Variants in RBFOX1 observed in about 807,000 individuals in gnomAD.
The protein encoded by RBFOX1 is RNA binding fox-1 homolog 1.
Under a neutral mutation model 57.7 loss-of-function variants are expected in RBFOX1, and 8 were observed. The ratio of observed to expected loss-of-function variants is 0.14; its 90% CI spans 0.08 to 0.25. The LOEUF (loss-of-function observed/expected upper bound fraction) is 0.25, where lower values mean the gene tolerates loss of function less well. Among genes scored for constraint, RBFOX1 ranks in the 10% least tolerant of loss-of-function variants. The probability of loss-of-function intolerance (pLI) is 1.00; values close to 1 mark genes in which losing one functional copy is unlikely to be tolerated. For missense variants in RBFOX1, 611 were observed against 548.5 expected, an observed-to-expected ratio of 1.11 and a Z score of -1.14; for synonymous variants, 326 against 222.4, an observed-to-expected ratio of 1.47 and a Z score of -4.15.
intron 2 of RBFOX1, among the ~76,000 whole-genome samples, chr16:6,389,791 C>T (rs1310827157): frequency 6.6e-6 from 1 of 152,150 alleles, no homozygotes; most frequent in Non-Finnish European, 1.5e-5. Context: ...AGGCTGTACC[C>T]AGGAGAAATC....
intron 4 of RBFOX1, among the ~76,000 whole-genome samples, chr16:7,468,305 A>G (rs1262279867): frequency 6.6e-6 from 1 of 152,190 alleles, no homozygotes; most frequent in Non-Finnish European, 1.5e-5. Context: ...AAAAAATAAG[A>G]CTGTGCTTTA....
chr16:7,624,054 T>G (rs2059710458), intron 10 of RBFOX1, among the ~76,000 whole-genome samples: 1 of 152,202 alleles, frequency 6.6e-6, no homozygotes, highest in African/African-American at 2.4e-5. Context: ...TAGCTTGTTT[T>G]TCATCTAAAA....
chr16:7,324,014 TTTTTG>T (rs564985147), intron 4 of RBFOX1, among the ~76,000 whole-genome samples: 10 of 152,014 alleles, frequency 6.6e-5, no homozygotes, highest in South Asian at 2.1e-4. Flanking sequence ...ATCCAGCAGT[TTTTTG>T]TTTTGTTTTG....
chr16:7,639,007 A>G (rs1432133722), intron 11 of RBFOX1, among the ~76,000 whole-genome samples: 1 of 151,276 alleles, frequency 6.6e-6, no homozygotes, highest in Admixed American at 6.6e-5. Flanking sequence ...ACATAAAGAT[A>G]GGTACCCTTC....
intron 4 of RBFOX1, among the ~76,000 whole-genome samples, chr16:7,476,799 T>C (rs1448174792): frequency 6.6e-6 from 1 of 152,214 alleles, no homozygotes; most frequent in Non-Finnish European, 1.5e-5. Context: ...ACAAAATCCC[T>C]GCAAAGATGT....
chr16:7,003,346 G>C lies in RBFOX1; in HGVS notation c.-15-48711G>C, dbSNP rs535519165. 2.0e-5 allele frequency among the ~76,000 whole-genome samples: 3 copies of C among 152,050 alleles called. No homozygotes were observed. The East Asian group carries it at 5.8e-4, about 30-fold the overall frequency. On this transcript the variant is annotated intron_variant, in intron 3 of 15. Coordinates refer to ENST00000550418, the MANE Select transcript of RBFOX1 (RefSeq NM_018723.4). ...GTGATGGTGAGCACTTGTAGTCCCA[G>C]CTACTCAGGAGGCTGAGGCAAGAGA...
chr16:6,343,015 C>T (rs1040060641), intron 2 of RBFOX1, among the ~76,000 whole-genome samples: 5 of 152,116 alleles, frequency 3.3e-5, no homozygotes, highest in African/African-American at 9.7e-5. Context: ...ATACGAAACT[C>T]CATCTGATAG....
At chr16:7,058,022 A>AAAAC (rs1555829769) in intron 4 of RBFOX1, among the ~76,000 whole-genome samples, 2 of 150,420 alleles carry the variant, frequency 1.3e-5, no homozygotes, top group South Asian at 2.1e-4. Context: ...AAAAAAAAAA[A>AAAAC]CACGAAAACC....
intron 2 of RBFOX1, among the ~76,000 whole-genome samples, chr16:6,346,894 C>T (rs1203432252): frequency 6.6e-6 from 1 of 151,946 alleles, no homozygotes; most frequent in Non-Finnish European, 1.5e-5. Context: ...AGAGCACTAC[C>T]TCAACAGAGT....
chr16:5,752,503 C>G (rs937106744), intron 3 of RBFOX1, among the ~76,000 whole-genome samples: 5 of 152,138 alleles, frequency 3.3e-5, no homozygotes, highest in African/African-American at 1.2e-4. Context: ...TTTTTGCCAC[C>G]CACCTAGCTG....
rs565165195 is a variant in RBFOX1 at position 7,330,249 on chromosome 16, G to A, written c.28-187898G>A. Among the ~76,000 whole-genome samples, 218 of 152,020 alleles carry A rather than the reference G, an allele frequency of 1.4e-3. 2 individuals carry two copies. Among genetic ancestry groups the A allele is most frequent in the African/African-American group, 5.1e-3 (210 of 41,464 alleles). On this transcript the variant is annotated intron_variant, in intron 4 of 15. Transcript: ENST00000550418. The stretch of plus-strand genomic sequence containing the variant: ...GCATATAACCTATGCACATCTTCCC[G>A]TATACATATTAAATCGTCTTTAGAT...
At chr16:6,774,954 A>G (rs1195007468) in intron 3 of RBFOX1, among the ~76,000 whole-genome samples, 2 of 152,036 alleles carry the variant, frequency 1.3e-5, no homozygotes, top group Non-Finnish European at 2.9e-5. Context: ...ATAGGCCCTA[A>G]TCTCATCTCC....
At chr16:7,351,302 T>A (rs988105838) in intron 4 of RBFOX1, among the ~76,000 whole-genome samples, 1 of 152,210 alleles carries the variant, frequency 6.6e-6, no homozygotes, top group East Asian at 1.9e-4. Context: ...TGTCAAAGGG[T>A]AGTAGAAAGG....
chr16:5,336,784 A>G (rs1467509579), intron 1 of RBFOX1, among the ~76,000 whole-genome samples: 1 of 152,178 alleles, frequency 6.6e-6, no homozygotes, highest in Non-Finnish European at 1.5e-5. Context: ...CTCCTGGGCT[A>G]GCTTTGCCTT....
chr16:5,501,027 A>G (rs1408401240), intron 2 of RBFOX1, among the ~76,000 whole-genome samples: 2 of 152,114 alleles, frequency 1.3e-5, no homozygotes, highest in Non-Finnish European at 2.9e-5. Context: ...CTGAAAAAAG[A>G]AAACACGGCC....
At chr16:6,988,567 A>T (rs2346240) in intron 3 of RBFOX1, among the ~76,000 whole-genome samples, 78,196 of 148,730 alleles carry the variant, frequency 0.53, 21,360 homozygotes, top group East Asian at 0.64. Flanking sequence ...AACTTTATTT[A>T]ATTTTATTTT....
At chr16:7,406,604 G>T (rs193120966) in intron 4 of RBFOX1, among the ~76,000 whole-genome samples, 52 of 152,294 alleles carry the variant, frequency 3.4e-4, no homozygotes, top group Non-Finnish European at 5.9e-4. Flanking sequence ...ATCCAGTGTT[G>T]GCCTGCCTCT....
intron 1 of RBFOX1, among the ~76,000 whole-genome samples, chr16:6,134,379 C>T (rs2096651083): frequency 6.6e-6 from 1 of 152,188 alleles, no homozygotes; most frequent in African/African-American, 2.4e-5. Context: ...TCTTGCACCC[C>T]AAGAACCGAT....
chr16:7,461,926 A>G (rs1345817955), intron 4 of RBFOX1, among the ~76,000 whole-genome samples: 1 of 152,072 alleles, frequency 6.6e-6, no homozygotes, highest in Non-Finnish European at 1.5e-5. Context: ...CTACCCTCCC[A>G]TTTGTTCTTG....
Sources: gnomAD v4.1 joint callset for allele counts (sites outside exome capture counted in the v4.1 genomes callset) on GRCh38, gnomAD v4.1.1 for gene constraint, MANE v1.5 for transcripts, NCBI Gene and HGNC (gene_info 2026-07-23, HGNC 2026-07-21) for gene names.